Variants in COX5A observed in about 807,000 individuals in gnomAD.
COX5A encodes the protein cytochrome c oxidase subunit 5A, also known as cytochrome c oxidase subunit 5A, mitochondrial.
In COX5A, 6 loss-of-function variants were observed where a neutral mutation model predicts 16.1. The ratio of observed to expected loss-of-function variants is 0.37; its 90% CI spans 0.20 to 0.73. The LOEUF (loss-of-function observed/expected upper bound fraction) is 0.73. COX5A is among the 30% of genes least tolerant of loss of function. The pLI is 0.50. For missense variants in COX5A, 159 were observed against 194.9 expected, an observed-to-expected ratio of 0.82 and a Z score of 1.10; for synonymous variants, 73 against 73.8, an observed-to-expected ratio of 0.99 and a Z score of 0.06.
chr15:74,929,766 C>G (rs769907418), intron 1 of COX5A, among the ~76,000 whole-genome samples: 14 of 151,762 alleles, frequency 9.2e-5, no homozygotes, highest in Non-Finnish European at 1.9e-4. Context: ...CTGGGCAACA[C>G]AGCGACACCC....
At chr15:74,929,292 C>T (rs2141272617) in intron 1 of COX5A, 60 bp from the exon 2 acceptor site, 3 of 1,205,302 alleles carry the variant, frequency 2.5e-6, no homozygotes, top group East Asian at 2.3e-5. Flanking sequence ...ATATTTTGTT[C>T]AATGCATTAA....
intron 2 of COX5A, 149 bp downstream of exon 2, chr15:74,928,967 T>A: frequency 1.5e-6 from 1 of 675,104 alleles, no homozygotes; most frequent in Non-Finnish European, 2.6e-6. Context: ...TCCTGCTTTA[T>A]AGGTAGCCAT....
chr15:74,928,150 A>T (rs530653849), intron 2 of COX5A, among the ~76,000 whole-genome samples: 1 of 152,318 alleles, frequency 6.6e-6, no homozygotes, highest in Admixed American at 6.5e-5. Context: ...TTACTTTAAA[A>T]TATTTAAACA....
intron 4 of COX5A, among the ~76,000 whole-genome samples, chr15:74,922,747 C>A (rs917046198): frequency 6.7e-6 from 1 of 149,726 alleles, no homozygotes; most frequent in Admixed American, 6.7e-5. Context: ...CTCACTGCAA[C>A]CTCTGCCTCC....
chr15:74,927,123 G>GA (rs1195390722), intron 2 of COX5A, among the ~76,000 whole-genome samples: 2 of 151,780 alleles, frequency 1.3e-5, no homozygotes, highest in Admixed American at 6.6e-5. Context: ...CAGATTGAAG[G>GA]AAAAAATCCT....
chr15:74,929,233 C>T lies in COX5A; in HGVS notation c.101-1G>A, dbSNP rs766679274. On this transcript the variant is annotated splice_acceptor_variant, in intron 1 of 4. Coordinates refer to ENST00000322347, the MANE Select transcript of COX5A (RefSeq NM_004255.4). LOFTEE classifies it high-confidence loss of function. Reference sequence around the variant, plus strand: ...GAATAGCAGCGAACTGACTGGATAGCTATAATGTGAAAGAACCATAACTTC... The same window carrying T: ...GAATAGCAGCGAACTGACTGGATAGTTATAATGTGAAAGAACCATAACTTC... 6.3e-7 allele frequency: 1 copy of T among 1,592,138 alleles called. No individual in the cohort carries two copies. Among genetic ancestry groups the T allele is most frequent in the Non-Finnish European group, 8.6e-7 (1 of 1,160,608 alleles).
rs11638583 is a variant in COX5A, at chr15:74,937,991, G to C, written c.24C>G (p.Arg8=). Residue 8 remains arginine (R), a synonymous_variant, in exon 1 of 5, where the codon CGC becomes CGG. Coordinates refer to ENST00000322347, the MANE Select transcript of COX5A (RefSeq NM_004255.4). MLGAALR[R]CAVAATTRAD... ...CCCGGGTGGTTGCGGCCACAGCGCA[G>C]CGGCGGAGAGCGGCGCCCAGCATGA... 2 of 1,231,992 alleles carry C rather than the reference G, an allele frequency of 1.6e-6. No homozygotes were observed. Among genetic ancestry groups the C allele is most frequent in the Non-Finnish European group, 2.0e-6 (2 of 987,954 alleles). The allele number at this position is 1,231,992 out of a possible 1,614,324, so 76.3% of individuals were successfully genotyped here. A position where few individuals can be genotyped will look rare whatever the true frequency, so the allele number is the denominator to read the frequency against.
intron 2 of COX5A, among the ~76,000 whole-genome samples, chr15:74,927,726 C>A (rs368419178): frequency 1.3e-5 from 2 of 151,942 alleles, no homozygotes; most frequent in East Asian, 1.9e-4. Flanking sequence ...GAGCTGAGAT[C>A]GCGCCATTGC....
At chr15:74,934,378 G>A (rs1353892551) in intron 1 of COX5A, among the ~76,000 whole-genome samples, 2 of 150,376 alleles carry the variant, frequency 1.3e-5, no homozygotes, top group Non-Finnish European at 3.0e-5. Context: ...TCGCCCAGGC[G>A]GGAGTGCAGT....
At position 74,926,812 on chromosome 15, in the gene COX5A, C is replaced by G; in HGVS notation, c.293G>C (p.Arg98Pro). Residue 98 changes from arginine (R) to proline (P), a missense_variant, in exon 3 of 5, where the codon CGG (arginine) becomes CCG (proline). Transcript: ENST00000322347. Reference sequence around the variant, plus strand: ...AACTGTACTAGCAAAATCATTTAACCGTCTGCATGCCCGCAAAGCAGCATC... The same window carrying G: ...AACTGTACTAGCAAAATCATTTAACGGTCTGCATGCCCGCAAAGCAGCATC... ...IIDAALRACR[R>P]LNDFASTVRI... is the part of the protein sequence containing the mutation. 6.2e-7 allele frequency: 1 copy of G among 1,613,900 alleles called. No individual in the cohort carries two copies. Among genetic ancestry groups the G allele is most frequent in the Non-Finnish European group, 8.5e-7 (1 of 1,179,902 alleles).
chr15:74,932,504 T>C (rs1188190553), intron 1 of COX5A, among the ~76,000 whole-genome samples: 1 of 151,984 alleles, frequency 6.6e-6, no homozygotes, highest in Admixed American at 6.6e-5. Context: ...CTCAACATTG[T>C]TGTTCTAAGA....
At chr15:74,936,622 CT>C (rs1021836626) in intron 1 of COX5A, among the ~76,000 whole-genome samples, 398 of 112,426 alleles carry the variant, frequency 3.5e-3, no homozygotes, top group Admixed American at 4.9e-3. Context: ...AAAACATATT[CT>C]TTTTTTTTTT....
At chr15:74,932,020 G>A (rs764754184) in intron 1 of COX5A, among the ~76,000 whole-genome samples, 6 of 152,160 alleles carry the variant, frequency 3.9e-5, no homozygotes, top group Non-Finnish European at 7.3e-5. Flanking sequence ...TAGGCTCTTC[G>A]CTCTCTCTGT....
chr15:74,922,333 C>T (rs573785119), intron 4 of COX5A, among the ~76,000 whole-genome samples: 3 of 149,182 alleles, frequency 2.0e-5, no homozygotes, highest in East Asian at 2.0e-4. Flanking sequence ...TTCAGTGAGC[C>T]GAGATCATGC....
intron 2 of COX5A, among the ~76,000 whole-genome samples, chr15:74,928,681 G>A (rs574223582): frequency 1.3e-5 from 2 of 152,308 alleles, no homozygotes; most frequent in East Asian, 1.9e-4. Context: ...CACCGCGCCC[G>A]TGCTATGTAA....
intron 1 of COX5A, among the ~76,000 whole-genome samples, chr15:74,937,460 T>C (rs1268848552): frequency 6.6e-6 from 1 of 152,132 alleles, no homozygotes; most frequent in Non-Finnish European, 1.5e-5. Flanking sequence ...GAGAAATGCC[T>C]GATTGAAAAG....
chr15:74,921,328 A>G (rs1345468199), intron 4 of COX5A, among the ~76,000 whole-genome samples: 7 of 149,094 alleles, frequency 4.7e-5, no homozygotes, highest in Non-Finnish European at 8.9e-5. Flanking sequence ...GAATGGCGTG[A>G]ACCTGGAAAA....
chr15:74,929,263 T>C, intron 1 of COX5A, 31 bp from the exon 2 acceptor site: 1 of 1,394,338 alleles, frequency 7.2e-7, no homozygotes, highest in Non-Finnish European at 1.0e-6. Context: ...AACTTCAATG[T>C]ACACAAATAG....
chr15:74,931,448 G>A (rs1163271290), intron 1 of COX5A, among the ~76,000 whole-genome samples: 2 of 151,870 alleles, frequency 1.3e-5, no homozygotes, highest in Non-Finnish European at 2.9e-5. Flanking sequence ...TTGAGGTGAG[G>A]TGAGATGATG....
Sources: allele counts gnomAD v4.1 joint callset (sites outside exome capture counted in the v4.1 genomes callset), GRCh38; gene constraint gnomAD v4.1.1; transcripts MANE v1.5; gene names NCBI Gene and HGNC (gene_info 2026-07-23, HGNC 2026-07-21).